PROCR: variants seen among roughly 807,000 people sequenced by gnomAD.
PROCR encodes endothelial protein C receptor.
In PROCR, 22 loss-of-function variants were observed where a neutral mutation model predicts 24.2. The observed-to-expected ratio is 0.91, with a 90% CI of 0.65 to 1.30. The LOEUF (loss-of-function observed/expected upper bound fraction) is 1.30. PROCR is among the 50% of genes most tolerant of loss of function. The pLI, the probability that PROCR is intolerant of heterozygous loss-of-function variation, is 0.00. For missense variants in PROCR, 288 were observed against 307.7 expected (o/e 0.94, Z 0.48); for synonymous variants, 137 against 139.2 (o/e 0.98, Z 0.11).
intron 1 of PROCR, among the ~76,000 whole-genome samples, chr20:35,210,196 T>C (rs1460467831): frequency 6.6e-6 from 1 of 151,936 alleles, no homozygotes; most frequent in African/African-American, 2.4e-5. Flanking sequence ...ACTATACTTC[T>C]ACCTGGGCAA....
intron 1 of PROCR, among the ~76,000 whole-genome samples, chr20:35,207,953 G>A (rs1353875341): frequency 1.3e-5 from 2 of 151,914 alleles, no homozygotes; most frequent in Non-Finnish European, 2.9e-5. Context: ...GGTCCAATTC[G>A]TGTTATTGAG....
chr20:35,182,115 A>G (rs943305293), downstream of PROCR, among the ~76,000 whole-genome samples: 8 of 152,182 alleles, frequency 5.3e-5, no homozygotes, highest in South Asian at 2.1e-4. Context: ...TGCAGGGGGG[A>G]AAAGGAAAAC....
chr20:35,205,783 A>ATATG (rs1555791722), intron 1 of PROCR, among the ~76,000 whole-genome samples: 1 of 137,872 alleles, frequency 7.3e-6, no homozygotes, highest in African/African-American at 2.8e-5. Flanking sequence ...ATATATATAT[A>ATATG]TATATGTATA....
At chr20:35,191,853 C>T (rs1321518777) in intron 1 of PROCR, among the ~76,000 whole-genome samples, 2 of 152,164 alleles carry the variant, frequency 1.3e-5, no homozygotes, top group Admixed American at 6.5e-5. Context: ...GAGAAGAGGA[C>T]TGACGTGATT....
At chr20:35,215,023 C>T (rs1181461858) in intron 1 of PROCR, among the ~76,000 whole-genome samples, 2 of 151,292 alleles carry the variant, frequency 1.3e-5, no homozygotes, top group African/African-American at 4.9e-5. Flanking sequence ...TCTCCTGCCT[C>T]GGCCTCCTGA....
chr20:35,205,880 T>C (rs1279115503), intron 1 of PROCR, among the ~76,000 whole-genome samples: 1 of 145,772 alleles, frequency 6.9e-6, no homozygotes, highest in Non-Finnish European at 1.5e-5. Flanking sequence ...CATGTATATA[T>C]GTATATATGT....
intron 1 of PROCR, among the ~76,000 whole-genome samples, chr20:35,193,263 C>T (rs889711027): frequency 2.0e-5 from 3 of 152,016 alleles, no homozygotes; most frequent in Non-Finnish European, 4.4e-5. Flanking sequence ...GCAACCTCCA[C>T]CTCCCAGGTT....
chr20:35,186,251 T>C (rs1401427732), intron 1 of PROCR, among the ~76,000 whole-genome samples: 1 of 152,154 alleles, frequency 6.6e-6, no homozygotes, highest in African/African-American at 2.4e-5. Flanking sequence ...CTGACACATG[T>C]TACAACACGG....
upstream of PROCR, chr20:35,171,964 G>C (rs1364256908): frequency 4.6e-6 from 3 of 649,694 alleles, no homozygotes; most frequent in Admixed American, 6.6e-5. Context: ...CCCCTAGTAG[G>C]AAATGAGACA....
chr20:35,188,603 T>C (rs1300917807), intron 1 of PROCR, among the ~76,000 whole-genome samples: 1 of 152,200 alleles, frequency 6.6e-6, no homozygotes, highest in Non-Finnish European at 1.5e-5. Flanking sequence ...ACTGATATAA[T>C]AGCACAAAGA....
intron 1 of PROCR, among the ~76,000 whole-genome samples, chr20:35,172,511 A>G (rs2085961271): frequency 6.6e-6 from 1 of 152,136 alleles, no homozygotes; most frequent in Non-Finnish European, 1.5e-5. Flanking sequence ...AATCAGCCCC[A>G]GGGAGAGGGG....
chr20:35,205,395 C>G (rs1317977345), intron 1 of PROCR, among the ~76,000 whole-genome samples: 3 of 137,196 alleles, frequency 2.2e-5, no homozygotes. Flanking sequence ...AAAACCCATT[C>G]ATGATAAAAA....
intron 1 of PROCR, among the ~76,000 whole-genome samples, chr20:35,214,688 CAA>C (rs112791426): frequency 5.0e-4 from 40 of 80,174 alleles, no homozygotes; most frequent in Admixed American, 7.0e-4. Context: ...AACTCCATCT[CAA>C]AAAAAAAAAA....
At chr20:35,214,555 G>T (rs1429924599) in intron 1 of PROCR, among the ~76,000 whole-genome samples, 1 of 151,864 alleles carries the variant, frequency 6.6e-6, no homozygotes, top group African/African-American at 2.4e-5. Flanking sequence ...TAGGCGTGGT[G>T]GTGGGCGCCT....
intron 1 of PROCR, among the ~76,000 whole-genome samples, chr20:35,203,800 G>A (rs1431875455): frequency 6.6e-6 from 1 of 151,922 alleles, no homozygotes; most frequent in Non-Finnish European, 1.5e-5. Flanking sequence ...AGCGTGTACA[G>A]GAACATTTAT....
At chr20:35,215,968 C>A in exon 2 of PROCR, 1 of 724,428 alleles carries the variant, frequency 1.4e-6, no homozygotes, top group Non-Finnish European at 1.7e-6. Context: ...GAGGCCGAGG[C>A]AGGAGGATCA....
chr20:35,195,573 C>T (rs1253387171), intron 1 of PROCR: 2 of 152,030 alleles, frequency 1.3e-5, no homozygotes, highest in East Asian at 1.9e-4. Context: ...GTAATCCTAG[C>T]ACTTTGGAAG....
At chr20:35,204,675 C>T (rs1035447860) in intron 1 of PROCR, among the ~76,000 whole-genome samples, 1 of 151,754 alleles carries the variant, frequency 6.6e-6, no homozygotes, top group Non-Finnish European at 1.5e-5. Flanking sequence ...ATGCCTGGCC[C>T]CCAAATGGTT....
At chr20:35,202,324 G>T (rs965998524) in intron 1 of PROCR, 1 of 151,814 alleles carries the variant, frequency 6.6e-6, no homozygotes, top group Admixed American at 6.6e-5. Context: ...CATCGTGGCG[G>T]GTGCCTATAA....
Sources: gnomAD v4.1 joint callset for allele counts (sites outside exome capture counted in the v4.1 genomes callset) on GRCh38, gnomAD v4.1.1 for gene constraint, MANE v1.5 for transcripts, NCBI Gene and HGNC (gene_info 2026-07-23, HGNC 2026-07-21) for gene names.